ANO4: variants seen among roughly 807,000 people sequenced by gnomAD.
The protein encoded by ANO4 is anoctamin 4.
A neutral mutation model predicts 141.9 loss-of-function variants in ANO4; 69 were observed. The ratio of observed to expected loss-of-function variants is 0.49; its 90% CI spans 0.40 to 0.59. The LOEUF (loss-of-function observed/expected upper bound fraction) is 0.59. ANO4 is among the 20% of genes least tolerant of loss of function. The pLI, the probability that ANO4 is intolerant of heterozygous loss-of-function variation, is 0.00. For synonymous variants in ANO4, 350 were observed against 394.3 expected (o/e 0.89, Z 1.33); for missense variants, 894 against 1,162.2 (o/e 0.77, Z 3.36).
intron 1 of ANO4, among the ~76,000 whole-genome samples, chr12:100,820,461 G>A (rs1313914180): frequency 1.3e-5 from 2 of 151,696 alleles, no homozygotes; most frequent in African/African-American, 4.8e-5. Context: ...TAAAAACTCT[G>A]TGTTGAAATG....
At chr12:100,843,671 A>G (rs1163416053) in intron 1 of ANO4, among the ~76,000 whole-genome samples, 13 of 152,228 alleles carry the variant, frequency 8.5e-5, no homozygotes, top group Non-Finnish European at 1.5e-5. Context: ...ACTCCTTCAA[A>G]TACATACAAA....
intron 14 of ANO4, among the ~76,000 whole-genome samples, chr12:101,070,349 C>G (rs1313881834): frequency 2.0e-5 from 3 of 152,038 alleles, no homozygotes; most frequent in African/African-American, 7.2e-5. Context: ...GAATAGAGAG[C>G]CCCAAAACAA....
intron 9 of ANO4, among the ~76,000 whole-genome samples, chr12:101,035,917 G>A (rs545189476): frequency 1.3e-5 from 2 of 152,116 alleles, no homozygotes; most frequent in South Asian, 4.2e-4. Context: ...TCATTACCTG[G>A]GTGACATAAT....
At chr12:100,903,822 C>T (rs1011282502) in intron 2 of ANO4, among the ~76,000 whole-genome samples, 6 of 152,202 alleles carry the variant, frequency 3.9e-5, no homozygotes, top group African/African-American at 1.4e-4. Context: ...ATTGCATCTA[C>T]AAAACACCTT....
chr12:100,746,220 G>A (rs1267705281), intron 3 of ANO4, among the ~76,000 whole-genome samples: 1 of 152,190 alleles, frequency 6.6e-6, no homozygotes, highest in Non-Finnish European at 1.5e-5. Flanking sequence ...TTGGGAGGCT[G>A]AGGCAGGCAG....
intron 2 of ANO4, among the ~76,000 whole-genome samples, chr12:100,920,481 T>C (rs1470988356): frequency 6.9e-6 from 1 of 144,118 alleles, no homozygotes; most frequent in East Asian, 2.0e-4. Context: ...CAAAGCTGAC[T>C]AGCCTTAGTT....
intron 22 of ANO4, 70 bp from the exon 23 acceptor site, chr12:101,110,334 A>G: frequency 6.8e-7 from 1 of 1,468,018 alleles, no homozygotes; most frequent in East Asian, 2.4e-5. Flanking sequence ...ACATATTCAG[A>G]TTATGATCCC....
At chr12:100,993,536 A>G (rs1221672025) in intron 8 of ANO4, among the ~76,000 whole-genome samples, 1 of 152,146 alleles carries the variant, frequency 6.6e-6, no homozygotes. Flanking sequence ...GCAGTAGAAC[A>G]GCATAGAAGT....
chr12:100,901,701 A>C lies in ANO4; in HGVS notation c.-85A>C, dbSNP rs1483690517. 5 of 1,215,258 alleles carry C rather than the reference A, an allele frequency of 4.1e-6. No individual in the cohort carries two copies. Among genetic ancestry groups the C allele is most frequent in the South Asian group, 2.4e-5 (2 of 82,928 alleles). 75.3% of individuals were successfully genotyped at this position (1,215,258 alleles called of 1,614,324 possible). A position where few individuals can be genotyped will look rare whatever the true frequency, so the allele number is the denominator to read the frequency against. On this transcript the variant is annotated 5_prime_UTR_variant, in exon 2 of 28. Transcript: ENST00000392977. ...AGCGTTTGCAAATCCATCAACGGCG[A>C]AGTGTGGCAAGCCGCCCAGCGTCAC...
At chr12:100,939,276 A>AT in intron 3 of ANO4, 39 bp from the exon 4 acceptor site, 1 of 1,576,848 alleles carries the variant, frequency 6.3e-7, no homozygotes, top group Non-Finnish European at 8.7e-7. Context: ...AAGATCCCAG[A>AT]TTTTTACCCA....
intron 14 of ANO4, among the ~76,000 whole-genome samples, chr12:101,061,090 C>G (rs562235898): frequency 6.6e-6 from 1 of 152,290 alleles, no homozygotes; most frequent in East Asian, 1.9e-4. Context: ...GACAAAATCT[C>G]TCAGCATTTG....
intron 1 of ANO4, among the ~76,000 whole-genome samples, chr12:100,830,325 G>A (rs887638088): frequency 6.6e-6 from 1 of 151,990 alleles, no homozygotes; most frequent in Non-Finnish European, 1.5e-5. Flanking sequence ...AGCAGTAAGA[G>A]GTCTGTGAGA....
At chr12:101,056,101 T>C (rs1342067237) in intron 14 of ANO4, among the ~76,000 whole-genome samples, 4 of 152,182 alleles carry the variant, frequency 2.6e-5, no homozygotes, top group African/African-American at 9.7e-5. Context: ...TTTCAAAAAT[T>C]GTTTTGCTGT....
intron 1 of ANO4, among the ~76,000 whole-genome samples, chr12:100,867,442 C>T (rs140404706): frequency 1.9e-3 from 290 of 152,286 alleles, no homozygotes; most frequent in Middle Eastern, 6.8e-3. Context: ...GATGCCCCAG[C>T]TCAAAGACAG....
At position 101,069,045 on chromosome 12, in the gene ANO4, A is replaced by T. The variant is rs80071796; in HGVS notation, c.1313-10148A>T. 185 of 834,838 alleles carry T rather than the reference A, an allele frequency of 2.2e-4. No individual in the cohort carries two copies. The East Asian group carries it at 3.7e-3, about 17-fold the overall frequency. 51.7% of individuals were successfully genotyped at this position (834,838 alleles called of 1,614,324 possible). The stretch of plus-strand genomic sequence containing the variant: ...AAAGATGTCAAGTTGGCTAAGGTAC[A>T]CTAGGAGGAGTGCTGCCAGAAATTT... On this transcript the variant is annotated intron_variant, in intron 14 of 27. Coordinates refer to ENST00000392977, the MANE Select transcript of ANO4 (RefSeq NM_001286615.2).
chr12:101,061,996 T>C (rs1479236925), intron 14 of ANO4, among the ~76,000 whole-genome samples: 2 of 152,134 alleles, frequency 1.3e-5, no homozygotes, highest in Non-Finnish European at 2.9e-5. Flanking sequence ...TTTTGTGCTG[T>C]TTTTTCCTCA....
intron 5 of ANO4, among the ~76,000 whole-genome samples, chr12:100,963,115 A>G (rs546168502): frequency 1.1e-4 from 16 of 152,286 alleles, no homozygotes; most frequent in Middle Eastern, 3.4e-3. Context: ...ATAGACATTG[A>G]TGTGTCTGAT....
intron 6 of ANO4, 92 bp downstream of exon 6, chr12:100,971,498 G>T: frequency 1.1e-6 from 1 of 890,184 alleles, no homozygotes; most frequent in Non-Finnish European, 1.7e-6. Flanking sequence ...CTGAAATGCA[G>T]ATTGGAAGGC....
rs951134814 is a variant in ANO4 at position 101,042,227 on chromosome 12, A to G, written c.1020-107A>G. Reference sequence around the variant, plus strand: ...TTTTATCTTGGCTTACCTTGCTTGCAGTTTACCTCGTAAGGCCGCTACAAA... The same window carrying G: ...TTTTATCTTGGCTTACCTTGCTTGCGGTTTACCTCGTAAGGCCGCTACAAA... On this transcript the variant is annotated intron_variant, in intron 11 of 27. Coordinates refer to ENST00000392977, the MANE Select transcript of ANO4 (RefSeq NM_001286615.2). The G allele has an allele frequency of 5.0e-6, 7 of 1,396,792 alleles. No individual in the cohort carries two copies. In the African/African-American group the frequency reaches 5.7e-5, roughly 11 times the overall value. 86.5% of individuals were successfully genotyped at this position (1,396,792 alleles called of 1,614,324 possible).
Sources: gnomAD v4.1 joint callset for allele counts (sites outside exome capture counted in the v4.1 genomes callset) on GRCh38, gnomAD v4.1.1 for gene constraint, MANE v1.5 for transcripts, NCBI Gene and HGNC (gene_info 2026-07-23, HGNC 2026-07-21) for gene names.